Variants in CDH11 observed in about 807,000 individuals in gnomAD.
CDH11 encodes the protein cadherin 11.
A neutral mutation model predicts 67.8 loss-of-function variants in CDH11; 11 were observed. The observed-to-expected ratio is 0.16, with a 90% CI of 0.10 to 0.27. The LOEUF (loss-of-function observed/expected upper bound fraction) is 0.27. Among genes scored for constraint, CDH11 ranks in the 10% least tolerant of loss-of-function variants. The probability of loss-of-function intolerance (pLI) is 1.00; values close to 1 mark genes in which losing one functional copy is unlikely to be tolerated. For synonymous variants in CDH11, 419 were observed against 400.0 expected, an observed-to-expected ratio of 1.05 and a Z score of -0.57; for missense variants, 847 against 1,031.2, an observed-to-expected ratio of 0.82 and a Z score of 2.45.
intron 1 of CDH11, among the ~76,000 whole-genome samples, chr16:65,087,626 C>T (rs1037736127): frequency 6.6e-6 from 1 of 152,118 alleles, no homozygotes; most frequent in Non-Finnish European, 1.5e-5. Context: ...TTGTTTGCAA[C>T]ACAAGCTGCT....
intron 3 of CDH11, among the ~76,000 whole-genome samples, chr16:65,004,179 A>G (rs2072992293): frequency 6.6e-6 from 1 of 152,194 alleles, no homozygotes; most frequent in African/African-American, 2.4e-5. Flanking sequence ...CAACCTGGGC[A>G]ACACAGCAAG....
chr16:64,952,513 T>C (rs1014082651), intron 11 of CDH11, among the ~76,000 whole-genome samples: 25 of 152,232 alleles, frequency 1.6e-4, no homozygotes. Flanking sequence ...TTGTAGCCTC[T>C]GCCCCCAAAA....
At chr16:65,002,570 A>G (rs1012471288) in intron 3 of CDH11, among the ~76,000 whole-genome samples, 12 of 152,212 alleles carry the variant, frequency 7.9e-5, no homozygotes, top group Admixed American at 7.9e-4. Flanking sequence ...ATATAAATGA[A>G]TGAAATTCCT....
intron 2 of CDH11, among the ~76,000 whole-genome samples, chr16:65,050,198 C>A (rs949479394): frequency 6.6e-6 from 1 of 152,156 alleles, no homozygotes; most frequent in Admixed American, 6.5e-5. Flanking sequence ...GGCTTAGAAG[C>A]CTTATCCTGT....
chr16:65,050,573 C>T (rs933020784), intron 2 of CDH11, among the ~76,000 whole-genome samples: 1 of 152,052 alleles, frequency 6.6e-6, no homozygotes, highest in African/African-American at 2.4e-5. Context: ...ACAGTGCGAT[C>T]AAGAACAAGT....
intron 1 of CDH11, among the ~76,000 whole-genome samples, chr16:65,111,125 C>A (rs1439032262): frequency 6.6e-6 from 1 of 152,154 alleles, no homozygotes. Flanking sequence ...TGCTGAATAA[C>A]AGACTCAAGA....
intron 2 of CDH11, among the ~76,000 whole-genome samples, chr16:65,031,183 C>T (rs1022034822): frequency 1.3e-5 from 2 of 152,198 alleles, no homozygotes; most frequent in African/African-American, 4.8e-5. Flanking sequence ...ATGCAGCACT[C>T]ACAGATAATT....
chr16:64,990,681 C>T (rs935038897), intron 6 of CDH11, among the ~76,000 whole-genome samples: 2 of 151,968 alleles, frequency 1.3e-5, no homozygotes, highest in Admixed American at 1.3e-4. Context: ...ATAGTAGTGA[C>T]TATTCATTAA....
chr16:65,090,414 G>A (rs532398485), intron 1 of CDH11, among the ~76,000 whole-genome samples: 3 of 152,110 alleles, frequency 2.0e-5, no homozygotes, highest in Admixed American at 2.0e-4. Flanking sequence ...ACCACCAACA[G>A]CAAGAAAATA....
chr16:65,117,210 T>C (rs1253598305), intron 1 of CDH11, among the ~76,000 whole-genome samples: 2 of 152,200 alleles, frequency 1.3e-5, no homozygotes, highest in African/African-American at 4.8e-5. Context: ...TCATCAACTG[T>C]CTACGCATTC....
chr16:65,040,694 C>T (rs12935273), intron 2 of CDH11, among the ~76,000 whole-genome samples: 7 of 152,178 alleles, frequency 4.6e-5, no homozygotes, highest in South Asian at 2.1e-4. Flanking sequence ...TACCCTAAAA[C>T]GTAAAGTATA....
intron 6 of CDH11, among the ~76,000 whole-genome samples, chr16:64,989,955 T>C (rs374132974): frequency 1.3e-5 from 2 of 152,322 alleles, no homozygotes; most frequent in South Asian, 2.1e-4. Flanking sequence ...GCAACTTTCT[T>C]TTGGATTCAT....
chr16:65,061,413 C>T (rs2074234617), intron 1 of CDH11, among the ~76,000 whole-genome samples: 1 of 152,126 alleles, frequency 6.6e-6, no homozygotes, highest in South Asian at 2.1e-4. Flanking sequence ...AATTTGTTTT[C>T]AAGGACTGTA....
chr16:65,037,513 G>A (rs967684352), intron 2 of CDH11, among the ~76,000 whole-genome samples: 1 of 152,166 alleles, frequency 6.6e-6, no homozygotes, highest in African/African-American at 2.4e-5. Context: ...ACAGTCATTG[G>A]TTTAAGTGCA....
At position 64,982,066 on chromosome 16, in the gene CDH11, G is replaced by C. The variant is rs879007590; in HGVS notation, c.1235C>G (p.Ala412Gly). The change falls in exon 8 of 13, where the codon GCT becomes GGT. Residue 412 changes from alanine to glycine, a missense_variant. By Grantham distance (60) the Ala-to-Gly change is moderately conservative. Around this residue, in one of 2 missense-constraint regions of CDH11, gnomAD observed 612 missense variants for 678.7 expected, o/e 0.90. Transcript: ENST00000268603. ...TCTGTACCTTATCGGGCTGTTGGCAGCATCAGGGTCTTTGGCATGCACTCT... is the reference window on the plus strand; with the variant it reads ...TCTGTACCTTATCGGGCTGTTGGCACCATCAGGGTCTTTGGCATGCACTCT... ...VGRVHAKDPD[A>G]ANSPIRYSID... 1.5e-5 allele frequency: 24 copies of C among 1,613,064 alleles called. No individual in the cohort carries two copies. The highest frequency in any genetic ancestry group is 1.7e-5 in the Non-Finnish European group (20 of 1,179,510).
intron 12 of CDH11, among the ~76,000 whole-genome samples, chr16:64,950,463 C>T (rs1049105347): frequency 6.6e-6 from 1 of 152,076 alleles, no homozygotes; most frequent in East Asian, 1.9e-4. Context: ...CCCTGAAGCC[C>T]CCTAGTGGCT....
At chr16:65,002,501 A>G (rs1265087331) in intron 3 of CDH11, among the ~76,000 whole-genome samples, 1 of 152,192 alleles carries the variant, frequency 6.6e-6, no homozygotes, top group African/African-American at 2.4e-5. Context: ...AGGGAATTCC[A>G]TATGCCAATT....
intron 12 of CDH11, 140 bp downstream of exon 12, chr16:64,950,627 G>T: frequency 6.3e-5 from 7 of 111,016 alleles, no homozygotes; most frequent in South Asian, 3.0e-4. Context: ...CCCCGCCCCC[G>T]TACCCCACTT....
chr16:64,997,200 T>C (rs1448740502), intron 4 of CDH11, among the ~76,000 whole-genome samples: 1 of 151,742 alleles, frequency 6.6e-6, no homozygotes, highest in Non-Finnish European at 1.5e-5. Flanking sequence ...CTCAGAAGGC[T>C]GAGGCAGGAG....
Sources: gnomAD v4.1 joint callset for allele counts (sites outside exome capture counted in the v4.1 genomes callset) on GRCh38, gnomAD v4.1.1 for gene constraint, gnomAD v4.1.1 regional missense constraint, MANE v1.5 for transcripts, NCBI Gene and HGNC (gene_info 2026-07-23, HGNC 2026-07-21) for gene names.